KIF26B: variants seen among roughly 807,000 people sequenced by gnomAD.
KIF26B encodes the protein kinesin-like protein KIF26B.
Under a neutral mutation model 151.2 loss-of-function variants are expected in KIF26B, and 63 were observed. The ratio of observed to expected loss-of-function variants is 0.42; its 90% confidence interval spans 0.34 to 0.51. The LOEUF (loss-of-function observed/expected upper bound fraction) is 0.51. Among genes scored for constraint, KIF26B ranks in the 20% least tolerant of loss-of-function variants. KIF26B has a pLI of 0.07. For missense variants in KIF26B, 2,813 were observed against 2,913.6 expected (o/e 0.97, Z 0.79); for synonymous variants, 1,357 against 1,262.1 (o/e 1.08, Z -1.59).
At chr1:245,324,209 G>A (rs1284182676) in intron 2 of KIF26B, among the ~76,000 whole-genome samples, 1 of 152,202 alleles carries the variant, frequency 6.6e-6, no homozygotes, top group Non-Finnish European at 1.5e-5. Flanking sequence ...TGCCATGCAT[G>A]GTTGGAGGTG....
intron 5 of KIF26B, among the ~76,000 whole-genome samples, chr1:245,546,317 A>G (rs1388753647): frequency 6.6e-6 from 1 of 152,182 alleles, no homozygotes; most frequent in Non-Finnish European, 1.5e-5. Context: ...CCTGGGCTCA[A>G]GTGATTCTCC....
chr1:245,660,092 A>G (rs949555185), intron 10 of KIF26B, among the ~76,000 whole-genome samples: 9 of 151,998 alleles, frequency 5.9e-5, no homozygotes, highest in African/African-American at 2.2e-4. Flanking sequence ...TATTTTTTCT[A>G]TGGCAATAAT....
intron 5 of KIF26B, among the ~76,000 whole-genome samples, chr1:245,600,434 G>C (rs2043384343): frequency 3.3e-5 from 5 of 151,564 alleles, no homozygotes; most frequent in Admixed American, 2.0e-4. Context: ...CTGAGCTCAA[G>C]TGACCCTGCT....
At chr1:245,333,322 T>TCG (rs1672150448) in intron 2 of KIF26B, among the ~76,000 whole-genome samples, 2 of 152,212 alleles carry the variant, frequency 1.3e-5, no homozygotes, top group African/African-American at 4.8e-5. Flanking sequence ...GACATGATGT[T>TCG]AAGTCGAATC....
chr1:245,423,478 GTT>G lies in KIF26B; in HGVS notation c.1166+3744_1166+3745del, dbSNP rs35547172. 7.3e-3 allele frequency among the ~76,000 whole-genome samples: 1,073 copies of G among 146,668 alleles called. 17 individuals carry two copies. Among genetic ancestry groups the G allele is most frequent in the African/African-American group, 0.025 (1,014 of 40,334 alleles). Reference sequence around the variant, plus strand: ...ACACAGGAAGACACTTTATTATAGGGTTTTTTTTTTTTCACCGTAATCATGAA... The same window carrying G: ...ACACAGGAAGACACTTTATTATAGGGTTTTTTTTTTCACCGTAATCATGAA... On this transcript the variant is annotated intron_variant, in intron 4 of 14. Coordinates refer to ENST00000407071, the MANE Select transcript of KIF26B (RefSeq NM_018012.4).
At chr1:245,155,615 C>T in intron 1 of KIF26B, 128 bp downstream of exon 1, 1 of 799,528 alleles carries the variant, frequency 1.3e-6, no homozygotes, top group South Asian at 2.0e-5. Flanking sequence ...CCGGGGCTGG[C>T]GGGGTTGTGA....
intron 10 of KIF26B, among the ~76,000 whole-genome samples, chr1:245,650,155 C>T (rs115577860): frequency 1.3e-5 from 2 of 152,348 alleles, no homozygotes; most frequent in African/African-American, 2.4e-5. Flanking sequence ...TCTGCACTGA[C>T]AGGCTGCACA....
At chr1:245,514,954 T>C (rs1660917801) in intron 4 of KIF26B, among the ~76,000 whole-genome samples, 1 of 152,240 alleles carries the variant, frequency 6.6e-6, no homozygotes, top group African/African-American at 2.4e-5. Flanking sequence ...GCGGTAGGTC[T>C]GTCTCTCAGA....
chr1:245,496,180 T>C (rs1660511200), intron 4 of KIF26B, among the ~76,000 whole-genome samples: 1 of 152,130 alleles, frequency 6.6e-6, no homozygotes, highest in Non-Finnish European at 1.5e-5. Context: ...ATGAGATGTA[T>C]TGATGGCTGG....
At position 245,156,314 on chromosome 1, in the gene KIF26B, A is replaced by G; in HGVS notation, c.96A>G (p.Ala32=). The part of the protein sequence containing the change: ...VNEVCSPTKP[A]APFSPESWYR... ...AAGTCTGCTCGCCCACCAAGCCCGC[A>G]GCGCCCTTCTCCCCGGAAAGCTGGT... Residue 32 remains alanine (A), a synonymous_variant, in exon 2 of 15, where the codon GCA becomes GCG. Coordinates refer to ENST00000407071, the MANE Select transcript of KIF26B (RefSeq NM_018012.4). The G allele has an allele frequency of 3.9e-6, 6 of 1,547,460 alleles. No individual in the cohort carries two copies. Among genetic ancestry groups the G allele is most frequent in the East Asian group, 2.5e-5 (1 of 40,576 alleles).
In KIF26B at chr1:245,699,098, G is replaced by T. The variant is rs2044734947; in HGVS notation, c.6178+61G>T. Reference sequence around the variant, plus strand: ...TGGGTTCACCTGCTCAACCGGGCTGGCGTGTAGCCCAGGGTGACAGTGACA... The same window carrying T: ...TGGGTTCACCTGCTCAACCGGGCTGTCGTGTAGCCCAGGGTGACAGTGACA... On this transcript the variant is annotated intron_variant, in intron 14 of 14. Transcript: ENST00000407071. The T allele has an allele frequency of 2.7e-5, 42 of 1,538,260 alleles. No homozygotes were observed. In the South Asian group the frequency reaches 4.9e-4, roughly 18 times the overall value.
chr1:245,381,907 C>T (rs1673420134), intron 3 of KIF26B, among the ~76,000 whole-genome samples: 1 of 152,118 alleles, frequency 6.6e-6, no homozygotes, highest in Non-Finnish European at 1.5e-5. Flanking sequence ...GTCAGAATTT[C>T]CTTCCTTTTA....
chr1:245,267,512 G>A (rs1041285659), intron 2 of KIF26B, among the ~76,000 whole-genome samples: 1 of 151,908 alleles, frequency 6.6e-6, no homozygotes, highest in Non-Finnish European at 1.5e-5. Context: ...TCTTATTTTG[G>A]TGTGTGCAGA....
At chr1:245,485,239 G>C (rs1660254755) in intron 4 of KIF26B, among the ~76,000 whole-genome samples, 1 of 152,100 alleles carries the variant, frequency 6.6e-6, no homozygotes, top group Non-Finnish European at 1.5e-5. Context: ...TATTTAATGG[G>C]TACAGAGCTT....
intron 4 of KIF26B, among the ~76,000 whole-genome samples, chr1:245,426,604 G>A (rs1658655299): frequency 6.6e-6 from 1 of 152,190 alleles, no homozygotes; most frequent in Non-Finnish European, 1.5e-5. Flanking sequence ...GTCACTGACT[G>A]TTGTATGACT....
At chr1:245,675,437 C>G (rs112040861) in intron 10 of KIF26B, among the ~76,000 whole-genome samples, 35 of 152,262 alleles carry the variant, frequency 2.3e-4, no homozygotes, top group African/African-American at 7.9e-4. Context: ...ACCCTAAGAT[C>G]TTATGTGGCC....
chr1:245,571,246 C>A (rs1572134245), intron 5 of KIF26B, among the ~76,000 whole-genome samples: 2 of 152,288 alleles, frequency 1.3e-5, no homozygotes, highest in South Asian at 4.1e-4. Flanking sequence ...TAGTGATGTA[C>A]CTAAGGGTGG....
intron 10 of KIF26B, among the ~76,000 whole-genome samples, chr1:245,655,992 A>G (rs2044068684): frequency 6.6e-6 from 1 of 152,228 alleles, no homozygotes; most frequent in Non-Finnish European, 1.5e-5. Flanking sequence ...AATTTAAGGA[A>G]CTGGTTCTAA....
At chr1:245,160,628 A>G (rs1161142109) in intron 2 of KIF26B, among the ~76,000 whole-genome samples, 1 of 151,960 alleles carries the variant, frequency 6.6e-6, no homozygotes, top group South Asian at 2.1e-4. Flanking sequence ...GTTCATTTCC[A>G]TATCAATAAA....
Sources: allele counts gnomAD v4.1 joint callset (sites outside exome capture counted in the v4.1 genomes callset), GRCh38; gene constraint gnomAD v4.1.1; transcripts MANE v1.5; gene names NCBI Gene and HGNC (gene_info 2026-07-23, HGNC 2026-07-21).